The following DPYS variants were observed in gnomAD, a reference collection of about 807,000 sequenced individuals.
DPYS encodes the protein dihydropyrimidinase.
A neutral mutation model predicts 50.3 loss-of-function variants in DPYS; 39 were observed. That is an observed-to-expected ratio of 0.78 (90% CI 0.60 to 1.01). DPYS has a LOEUF of 1.01. Ranked by LOEUF, DPYS falls within the 50% of genes least tolerant of loss-of-function variation. The pLI, the probability that DPYS is intolerant of heterozygous loss-of-function variation, is 0.00. For synonymous variants in DPYS, 245 were observed against 250.7 expected, an observed-to-expected ratio of 0.98 and a Z score of 0.22; for missense variants, 659 against 680.9, an observed-to-expected ratio of 0.97 and a Z score of 0.36.
Position 104,444,308 on chromosome 8 carries a change from A to G in DPYS, c.733T>C (p.Tyr245His). 1 of 1,614,234 alleles carries G rather than the reference A, an allele frequency of 6.2e-7. No homozygotes were observed. Among genetic ancestry groups the G allele is most frequent in the Non-Finnish European group, 8.5e-7 (1 of 1,180,042 alleles). The change falls in exon 4 of 10, where the codon TAC (tyrosine) becomes CAC (histidine). Residue 245 changes from tyrosine (Y) to histidine (H), a missense_variant. Transcript: ENST00000351513. ...TIASAVNCPL[Y>H]IVHVMSKSAA... is the part of the protein sequence containing the mutation. ...GACTTGCTCATCACATGCACAATGT[A>G]GAGAGGACAGTTCACAGCGCTGGCT...
At chr8:104,427,746 G>A (rs1812782209) in intron 6 of DPYS, among the ~76,000 whole-genome samples, 1 of 152,150 alleles carries the variant, frequency 6.6e-6, no homozygotes, top group South Asian at 2.1e-4. Flanking sequence ...CCGCAAAATA[G>A]TGCGATGCAT....
At chr8:104,455,416 T>A (rs769335632) in intron 1 of DPYS, among the ~76,000 whole-genome samples, 9 of 152,128 alleles carry the variant, frequency 5.9e-5, no homozygotes. Flanking sequence ...TGTTTTCAGT[T>A]GCGAAGGGAG....
intron 6 of DPYS, among the ~76,000 whole-genome samples, chr8:104,425,258 C>T (rs1045370425): frequency 6.7e-6 from 1 of 149,542 alleles, no homozygotes; most frequent in Admixed American, 6.6e-5. Context: ...GATATGGTCT[C>T]ACTCTGTTGC....
intron 4 of DPYS, among the ~76,000 whole-genome samples, chr8:104,440,496 G>A (rs754610554): frequency 5.9e-5 from 9 of 152,124 alleles, no homozygotes; most frequent in Non-Finnish European, 5.9e-5. Flanking sequence ...GGCTCCTGAC[G>A]TCAGGTGATC....
chr8:104,457,785 C>T (rs935013377), intron 1 of DPYS, among the ~76,000 whole-genome samples: 3 of 152,230 alleles, frequency 2.0e-5, no homozygotes, highest in African/African-American at 7.2e-5. Flanking sequence ...TTGCACATTC[C>T]TGTCCATGCT....
intron 4 of DPYS, among the ~76,000 whole-genome samples, chr8:104,435,089 C>G (rs1257734132): frequency 6.6e-6 from 1 of 152,134 alleles, no homozygotes; most frequent in East Asian, 1.9e-4. Flanking sequence ...GTGAAGTGAA[C>G]AATGCATTTC....
intron 2 of DPYS, among the ~76,000 whole-genome samples, chr8:104,450,151 A>G (rs2669430): frequency 0.64 from 85,840 of 133,168 alleles, 27,765 homozygotes; most frequent in Non-Finnish European, 0.71. Context: ...AGAAAGAAGG[A>G]AGGGAGGAAG....
At chr8:104,402,061 A>C (rs1193830038) in intron 7 of DPYS, among the ~76,000 whole-genome samples, 1 of 152,202 alleles carries the variant, frequency 6.6e-6, no homozygotes, top group Non-Finnish European at 1.5e-5. Flanking sequence ...AAAGGAATAA[A>C]GTTCACTCTG....
intron 7 of DPYS, among the ~76,000 whole-genome samples, chr8:104,410,329 T>C (rs1362158275): frequency 6.6e-6 from 1 of 152,084 alleles, no homozygotes; most frequent in Non-Finnish European, 1.5e-5. Context: ...CACCCTAAAA[T>C]ACGATTTAGT....
In DPYS at chr8:104,429,720, G is replaced by A. The variant is rs1248464891; in HGVS notation, c.794-19C>T. ...ACCTTCCCTGGAAAGATTAAAAGAA[G>A]CATTCATCACTTTAATTTTATTCTT... On this transcript the variant is annotated intron_variant, in intron 4 of 9. Coordinates refer to ENST00000351513, the MANE Select transcript of DPYS (RefSeq NM_001385.3). 6.2e-7 allele frequency: 1 copy of A among 1,613,872 alleles called. No individual in the cohort carries two copies. The highest frequency in any genetic ancestry group is 8.5e-7 in the Non-Finnish European group (1 of 1,179,936).
intron 1 of DPYS, among the ~76,000 whole-genome samples, chr8:104,456,283 A>G (rs1250227946): frequency 6.6e-6 from 1 of 152,196 alleles, no homozygotes; most frequent in Non-Finnish European, 1.5e-5. Context: ...ATTAAGTGAC[A>G]CATGACCATA....
chr8:104,429,006 T>A (rs903793111), intron 5 of DPYS: 1 of 159,658 alleles, frequency 6.3e-6, no homozygotes. Flanking sequence ...AATTTTTGTA[T>A]TTTTAGTAGA....
intron 7 of DPYS, among the ~76,000 whole-genome samples, chr8:104,398,832 C>T (rs1156853082): frequency 6.6e-6 from 1 of 152,140 alleles, no homozygotes; most frequent in Non-Finnish European, 1.5e-5. Context: ...TGAAACATCC[C>T]CCAGGTTCTT....
intron 7 of DPYS, among the ~76,000 whole-genome samples, chr8:104,401,568 T>C (rs149553785): frequency 2.0e-5 from 3 of 152,198 alleles, no homozygotes; most frequent in East Asian, 1.9e-4. Flanking sequence ...AGAAAATAAA[T>C]AGGAAGCAGC....
chr8:104,445,767 C>A (rs527523392), intron 3 of DPYS, among the ~76,000 whole-genome samples: 1 of 152,060 alleles, frequency 6.6e-6, no homozygotes, highest in East Asian at 1.9e-4. Context: ...ACCTTTTGGC[C>A]GGGCGCGGTG....
chr8:104,457,001 A>G (rs938928039), intron 1 of DPYS, among the ~76,000 whole-genome samples: 1 of 152,248 alleles, frequency 6.6e-6, no homozygotes, highest in African/African-American at 2.4e-5. Context: ...CAAGACCTCC[A>G]GTGGATGCCT....
chr8:104,413,521 T>C (rs1227926788), intron 7 of DPYS, among the ~76,000 whole-genome samples: 1 of 152,078 alleles, frequency 6.6e-6, no homozygotes, highest in African/African-American at 2.4e-5. Context: ...TTAAATATTG[T>C]ACTTTTTAAA....
intron 1 of DPYS, among the ~76,000 whole-genome samples, chr8:104,452,800 C>A (rs1381701738): frequency 6.6e-6 from 1 of 152,106 alleles, no homozygotes; most frequent in Non-Finnish European, 1.5e-5. Context: ...ATGATTGCAC[C>A]ACTGCATGCC....
intron 7 of DPYS, chr8:104,420,700 C>CAAAA (rs34835869): frequency 2.2e-5 from 2 of 91,626 alleles, no homozygotes; most frequent in African/African-American, 8.1e-5. Context: ...TTCCACTTTT[C>CAAAA]AAAAAAAAAA....
Sources: allele counts gnomAD v4.1 joint callset (sites outside exome capture counted in the v4.1 genomes callset), GRCh38; gene constraint gnomAD v4.1.1; transcripts MANE v1.5; gene names NCBI Gene and HGNC (gene_info 2026-07-23, HGNC 2026-07-21).